CFAP96: variants seen among roughly 807,000 people sequenced by gnomAD.
The protein encoded by CFAP96 is cilia and flagella associated protein 96, also known as cilia-and flagella-associated protein 96.
At chr4:185,418,069 A>ACACAC in the CFAP96 span, among the ~76,000 whole-genome samples, 8 of 22,782 alleles carry the variant, frequency 3.5e-4, no homozygotes. Context: ...CACACACACA[A>ACACAC]ACAACAGAAC....
At chr4:185,426,101 C>A in the CFAP96 span, 3 of 586,328 alleles carry the variant, frequency 5.1e-6, no homozygotes, top group East Asian at 5.7e-5. Flanking sequence ...TTAGTTAAGT[C>A]TTTTCTGTCC....
chr4:185,440,603 A>G, the CFAP96 span: 1 of 1,537,478 alleles, frequency 6.5e-7, no homozygotes, highest in Non-Finnish European at 8.8e-7. Context: ...TCTTCACCCA[A>G]GGGACTATTT....
the CFAP96 span, among the ~76,000 whole-genome samples, chr4:185,433,784 C>A: frequency 8.7e-3 from 1,318 of 152,216 alleles, 12 homozygotes; most frequent in South Asian, 0.02. Flanking sequence ...CGCCTGTAAT[C>A]CCAGCTACTC....
chr4:185,411,132 T>TA, the CFAP96 span, among the ~76,000 whole-genome samples: 671 of 148,920 alleles, frequency 4.5e-3, 1 homozygote, highest in Non-Finnish European at 6.4e-3. Flanking sequence ...TTTTTTTTTT[T>TA]AAAAGACACA....
At chr4:185,438,741 T>G in the CFAP96 span, among the ~76,000 whole-genome samples, 132,220 of 151,950 alleles carry the variant, frequency 0.87, 57,983 homozygotes, top group East Asian at 0.99. Context: ...ACCTTTTCAG[T>G]TCTTGCATTT....
the CFAP96 span, among the ~76,000 whole-genome samples, chr4:185,436,903 C>T: frequency 2.1e-3 from 327 of 152,142 alleles, 3 homozygotes; most frequent in African/African-American, 7.5e-3. Context: ...TTATCTCTTG[C>T]TATGGTTTAC....
At chr4:185,423,213 A>T in the CFAP96 span, among the ~76,000 whole-genome samples, 1 of 152,198 alleles carries the variant, frequency 6.6e-6, no homozygotes, top group Non-Finnish European at 1.5e-5. Flanking sequence ...TTCTAATGTG[A>T]ATGGTTGAGA....
the CFAP96 span, among the ~76,000 whole-genome samples, chr4:185,442,270 CT>C: frequency 6.6e-5 from 10 of 151,920 alleles, no homozygotes; most frequent in Non-Finnish European, 1.3e-4. Context: ...AAAATTTACT[CT>C]TTTTTTGGAT....
the CFAP96 span, among the ~76,000 whole-genome samples, chr4:185,423,695 T>C: frequency 6.6e-6 from 1 of 152,206 alleles, no homozygotes; most frequent in Non-Finnish European, 1.5e-5. Context: ...GTTCTTTACT[T>C]GGATCCATAT....
the CFAP96 span, chr4:185,445,060 A>G: frequency 6.4e-7 from 1 of 1,551,654 alleles, no homozygotes; most frequent in South Asian, 1.2e-5. Context: ...CAAAGATGAT[A>G]AGATTTTCCA....
chr4:185,434,864 C>T, the CFAP96 span, among the ~76,000 whole-genome samples: 1 of 152,182 alleles, frequency 6.6e-6, no homozygotes, highest in African/African-American at 2.4e-5. Flanking sequence ...CCTCAGCCTC[C>T]CAAGTAGCTG....
the CFAP96 span, among the ~76,000 whole-genome samples, chr4:185,429,808 A>G: frequency 1.3e-5 from 2 of 152,074 alleles, no homozygotes; most frequent in African/African-American, 4.8e-5. Context: ...GTCTACAGGC[A>G]CACACTACCA....
chr4:185,436,871 T>C, the CFAP96 span, among the ~76,000 whole-genome samples: 2 of 152,260 alleles, frequency 1.3e-5, no homozygotes, highest in East Asian at 3.9e-4. Flanking sequence ...GTATATCCTC[T>C]CAGCTCCTTC....
the CFAP96 span, chr4:185,436,079 T>C: frequency 6.4e-7 from 1 of 1,550,626 alleles, no homozygotes; most frequent in Non-Finnish European, 8.7e-7. Context: ...GAACAATAGG[T>C]GGTCCAGTCC....
chr4:185,445,340 T>G, the CFAP96 span: 2 of 727,346 alleles, frequency 2.7e-6, no homozygotes, highest in Non-Finnish European at 4.5e-6. Context: ...TGAGAAAGCT[T>G]AAGTTATCTG....
the CFAP96 span, among the ~76,000 whole-genome samples, chr4:185,428,130 G>A: frequency 6.6e-6 from 1 of 151,904 alleles, no homozygotes; most frequent in Admixed American, 6.6e-5. Context: ...TACAAACTGT[G>A]AGGACTAACC....
At chr4:185,431,785 T>A in the CFAP96 span, among the ~76,000 whole-genome samples, 1 of 152,358 alleles carries the variant, frequency 6.6e-6, no homozygotes, top group African/African-American at 2.4e-5. Context: ...TATTAACATG[T>A]TTTGATGAAA....
chr4:185,443,738 A>C, the CFAP96 span, among the ~76,000 whole-genome samples: 1 of 151,794 alleles, frequency 6.6e-6, no homozygotes, highest in Non-Finnish European at 1.5e-5. Flanking sequence ...CTATGAACTT[A>C]TTTTTTAAAG....
the CFAP96 span, among the ~76,000 whole-genome samples, chr4:185,418,072 A>ACACACACACAC: frequency 7.3e-6 from 1 of 137,124 alleles, no homozygotes; most frequent in Non-Finnish European, 1.7e-5. Context: ...ACACACAAAC[A>ACACACACACAC]ACAGAACCAA....
Sources: gnomAD v4.1 joint callset for allele counts (sites outside exome capture counted in the v4.1 genomes callset) on GRCh38, gnomAD v4.1.1 for gene constraint, MANE v1.5 for transcripts, NCBI Gene and HGNC (gene_info 2026-07-23, HGNC 2026-07-21) for gene names.